ITGA11: variants seen among roughly 807,000 people sequenced by gnomAD.
The protein encoded by ITGA11 is integrin alpha-11.
A neutral mutation model predicts 141.9 loss-of-function variants in ITGA11; 97 were observed. That is an observed-to-expected ratio of 0.68 (90% confidence interval 0.58 to 0.81). ITGA11 has a LOEUF of 0.81. Ranked by LOEUF, ITGA11 falls within the 30% of genes least tolerant of loss-of-function variation. ITGA11 has a pLI of 0.00. For missense variants in ITGA11, 1,387 were observed against 1,559.2 expected (o/e 0.89, Z 1.86); for synonymous variants, 658 against 624.6 (o/e 1.05, Z -0.80).
chr15:68,313,969 T>A lies in ITGA11; in HGVS notation c.2793-101A>T. The A allele has an allele frequency of 2.3e-6, 2 of 857,324 alleles. 1 individual carries two copies. Among genetic ancestry groups the A allele is most frequent in the South Asian group, 3.1e-5 (2 of 64,440 alleles). The allele number at this position is 857,324 out of a possible 1,614,324, so 53.1% of individuals were successfully genotyped here. On this transcript the variant is annotated intron_variant, in intron 22 of 29. Transcript: ENST00000315757. The stretch of plus-strand genomic sequence containing the variant: ...TGTGGAAGGAGCACACTGGCTTATC[T>A]GGGGCTGATGGGCACCAGACAGGCC...
At chr15:68,410,191 G>T (rs1219594096) in intron 1 of ITGA11, among the ~76,000 whole-genome samples, 1 of 152,230 alleles carries the variant, frequency 6.6e-6, no homozygotes, top group African/African-American at 2.4e-5. Context: ...GCCAGAGGAA[G>T]CCGATCTGTG....
Position 68,317,331 on chromosome 15 carries a change from G to C in ITGA11, c.2649C>G (p.Asn883Lys), listed in dbSNP as rs367643724. 1.8e-5 allele frequency: 29 copies of C among 1,613,568 alleles called. No homozygotes were observed. The highest frequency in any genetic ancestry group is 2.2e-5 in the Non-Finnish European group (26 of 1,179,704). The change falls in exon 21 of 30, where the codon AAC becomes AAG. Residue 883 changes from asparagine to lysine, a missense_variant. Transcript: ENST00000315757. The stretch of plus-strand genomic sequence containing the variant: ...CTTGCTTCTGGAGCCTCCTCTCCTC[G>C]TTCACACACTCAATGCTACCGTCTG... ...EDSDGSIECVNEERRLQKQVC... is the reference protein window; with the variant it reads ...EDSDGSIECVKEERRLQKQVC...
At position 68,321,598 on chromosome 15, in the gene ITGA11, T is replaced by G. The variant is rs560345274; in HGVS notation, c.2323-95A>C. The G allele has an allele frequency of 4.4e-6, 3 of 676,078 alleles. No individual in the cohort carries two copies. The East Asian group carries it at 9.5e-5, about 21-fold the overall frequency. The allele number at this position is 676,078 out of a possible 1,614,324, so 41.9% of individuals were successfully genotyped here. On this transcript the variant is annotated intron_variant, in intron 18 of 29. Coordinates refer to ENST00000315757, the MANE Select transcript of ITGA11 (RefSeq NM_001004439.2). The surrounding 1 kb of genome is among the most constrained non-coding windows in gnomAD (Gnocchi z 4.9). ...AGCTCTGTCTCCACCACACTAGACA[T>G]GGGCTGGCTTTCCTGCACTGTCCCC...
At chr15:68,411,969 C>T (rs1445233755) in intron 1 of ITGA11, among the ~76,000 whole-genome samples, 1 of 151,998 alleles carries the variant, frequency 6.6e-6, no homozygotes, top group East Asian at 1.9e-4. Flanking sequence ...GGTCAGCACC[C>T]CCAAACTCAC....
chr15:68,330,936 G>T (rs369829779), intron 15 of ITGA11, 45 bp downstream of exon 15: 2 of 1,610,394 alleles, frequency 1.2e-6, no homozygotes, highest in African/African-American at 1.3e-5. Context: ...GATTCATTGT[G>T]ACTTTCAGGA....
intron 3 of ITGA11, among the ~76,000 whole-genome samples, chr15:68,367,256 T>C (rs369705444): frequency 2.6e-5 from 4 of 151,950 alleles, no homozygotes; most frequent in African/African-American, 9.7e-5. Flanking sequence ...AAAAGATTGG[T>C]TCACGAATCC....
chr15:68,363,758 C>T (rs921601724), intron 4 of ITGA11, among the ~76,000 whole-genome samples: 2 of 152,146 alleles, frequency 1.3e-5, no homozygotes, highest in African/African-American at 4.8e-5. Flanking sequence ...CCCCAAGCAT[C>T]GCCCATACTC....
chr15:68,402,877 G>A (rs781466453), intron 2 of ITGA11, 41 bp downstream of exon 2: 1 of 1,387,350 alleles, frequency 7.2e-7, no homozygotes, highest in Non-Finnish European at 1.0e-6. Context: ...GCTGGGTGTG[G>A]AATGGTACAG....
At chr15:68,384,286 A>T (rs1413728046) in intron 2 of ITGA11, among the ~76,000 whole-genome samples, 1 of 150,174 alleles carries the variant, frequency 6.7e-6, no homozygotes, top group Non-Finnish European at 1.5e-5. Context: ...AAAAGGAGAC[A>T]GAATGAAAAA....
chr15:68,352,296 G>A (rs1459356736), intron 7 of ITGA11, among the ~76,000 whole-genome samples: 1 of 151,476 alleles, frequency 6.6e-6, no homozygotes, highest in Non-Finnish European at 1.5e-5. Context: ...GGGTTCAAGC[G>A]ATTCTCGTGC....
chr15:68,313,735 T>TC (rs1442440215), intron 23 of ITGA11, 44 bp downstream of exon 23: 1 of 1,496,084 alleles, frequency 6.7e-7, no homozygotes, highest in African/African-American at 1.4e-5. Flanking sequence ...CTCCTCCCAT[T>TC]CCCCATGCCT....
chr15:68,318,591 CTGTT>C (rs1288214648), intron 20 of ITGA11, among the ~76,000 whole-genome samples: 2 of 152,250 alleles, frequency 1.3e-5, no homozygotes, highest in South Asian at 2.1e-4. Flanking sequence ...GCCTTGAGGT[CTGTT>C]TGAGGATGGG....
chr15:68,352,193 T>A (rs966783061), intron 7 of ITGA11, among the ~76,000 whole-genome samples: 14 of 150,486 alleles, frequency 9.3e-5, no homozygotes, highest in African/African-American at 2.9e-4. Context: ...GATATTAGTT[T>A]TTTTTTTTTT....
In ITGA11 at chr15:68,317,263, A is replaced by ACCTTGG; in HGVS notation, c.2711_2715+1dup. 6.2e-7 allele frequency: 1 copy of ACCTTGG among 1,610,994 alleles called. No homozygotes were observed. The highest frequency in any genetic ancestry group is 8.5e-7 in the Non-Finnish European group (1 of 1,177,312). The stretch of plus-strand genomic sequence containing the variant: ...CTCCCCCACATTGTCCCCAGTCTCA[A>ACCTTGG]CCTTGGCCTTGGCCCGGAAGAAGGG... On this transcript the variant is annotated splice_donor_variant, in intron 21 of 29. Transcript: ENST00000315757. LOFTEE classifies it high-confidence loss of function.
intron 13 of ITGA11, 103 bp from the exon 14 acceptor site, chr15:68,332,165 T>C: frequency 8.0e-7 from 1 of 1,248,764 alleles, no homozygotes; most frequent in Non-Finnish European, 1.1e-6. Context: ...ACCACTCCAT[T>C]CCCCAGAACC....
chr15:68,352,665 C>A (rs1894951384), intron 7 of ITGA11, among the ~76,000 whole-genome samples: 1 of 152,186 alleles, frequency 6.6e-6, no homozygotes, highest in South Asian at 2.1e-4. Context: ...TACTTTGATT[C>A]TATTTTGGGA....
At chr15:68,390,925 G>C (rs1896104820) in intron 2 of ITGA11, among the ~76,000 whole-genome samples, 1 of 152,204 alleles carries the variant, frequency 6.6e-6, no homozygotes, top group Non-Finnish European at 1.5e-5. Flanking sequence ...CTGGCACAGA[G>C]CTGAATCAAT....
At chr15:68,361,469 G>T in intron 5 of ITGA11, 121 bp downstream of exon 5, 1 of 654,618 alleles carries the variant, frequency 1.5e-6, no homozygotes, top group Non-Finnish European at 2.7e-6. Flanking sequence ...CCGGAGAGCT[G>T]GGGCAGGACA....
chr15:68,389,461 C>G lies in ITGA11; in HGVS notation c.164+13457G>C, dbSNP rs547231988. 3.9e-5 allele frequency among the ~76,000 whole-genome samples: 6 copies of G among 152,332 alleles called. No individual in the cohort carries two copies. The East Asian group carries it at 9.6e-4, about 24-fold the overall frequency. On this transcript the variant is annotated intron_variant, in intron 2 of 29. Coordinates refer to ENST00000315757, the MANE Select transcript of ITGA11 (RefSeq NM_001004439.2). The stretch of plus-strand genomic sequence containing the variant: ...CAGAGGCTGCTTCTGTTCTGTGTCC[C>G]CTTGGGGCTCACCAGGCTCCTGCCC...
Sources: allele counts gnomAD v4.1 joint callset (sites outside exome capture counted in the v4.1 genomes callset), GRCh38; gene constraint gnomAD v4.1.1; non-coding constraint Gnocchi (gnomAD v3.1); transcripts MANE v1.5; gene names NCBI Gene and HGNC (gene_info 2026-07-23, HGNC 2026-07-21).